GALNT15: variants seen among roughly 807,000 people sequenced by gnomAD.
GALNT15 encodes UDP-GalNAc transferase T15.
A neutral mutation model predicts 66.8 loss-of-function variants in GALNT15; 67 were observed. That is an observed-to-expected ratio of 1.00 (90% CI 0.82 to 1.23). The LOEUF (loss-of-function observed/expected upper bound fraction) is 1.23. Ranked by LOEUF, GALNT15 falls within the 50% of genes most tolerant of loss-of-function variation. The pLI is 0.00. For synonymous variants in GALNT15, 313 were observed against 311.5 expected, an observed-to-expected ratio of 1.00 and a Z score of -0.05; for missense variants, 827 against 804.3, an observed-to-expected ratio of 1.03 and a Z score of -0.34.
Position 16,208,603 on chromosome 3 carries a change from G to A in GALNT15, c.1012G>A (p.Asp338Asn), listed in dbSNP as rs772185988. 1.2e-6 allele frequency: 2 copies of A among 1,614,120 alleles called. No individual in the cohort carries two copies. Among genetic ancestry groups the A allele is most frequent in the African/African-American group, 1.3e-5 (1 of 75,028 alleles). ...GCGTGGGGTGTTGGACTGGAAGCTG[G>A]ATTTCCACTGGGAACCTTTGCCAGA... is the stretch of plus-strand genomic sequence containing the variant. Reference protein sequence around the residue: ...LQRGVLDWKLDFHWEPLPEHV... With the variant: ...LQRGVLDWKLNFHWEPLPEHV... The change falls in exon 4 of 10, where the codon GAT becomes AAT. Residue 338 changes from aspartate to asparagine, a missense_variant. Coordinates refer to ENST00000339732, the MANE Select transcript of GALNT15 (RefSeq NM_054110.5).
chr3:16,237,447 C>T, the GALNT15 span, among the ~76,000 whole-genome samples: 11 of 152,192 alleles, frequency 7.2e-5, no homozygotes, highest in Non-Finnish European at 1.5e-5. The surrounding 1 kb of genome is among the most constrained non-coding windows in gnomAD (Gnocchi z 4.2). Context: ...GGCACCTCAC[C>T]CTCCTCACAC....
chr3:16,232,293 T>C (rs9831731), downstream of GALNT15, among the ~76,000 whole-genome samples: 4,159 of 151,506 alleles, frequency 0.027, 177 homozygotes, highest in African/African-American at 0.094. Flanking sequence ...AGGTTGGGCA[T>C]GTTGGCTCAC....
In GALNT15 at chr3:16,175,897, G is replaced by A. The variant is rs373269091; in HGVS notation, c.539+207G>A. On this transcript the variant is annotated intron_variant, in intron 1 of 9. Transcript: ENST00000339732. This position sits in a 1 kb window ranked among gnomAD's most constrained non-coding sequence, Gnocchi z 5.6. ...GATTCTCAGACCCCATCCCAGACCT[G>A]CCAAACAAGAAACTCTGGGTGGGGT... is the stretch of plus-strand genomic sequence containing the variant. Among the ~76,000 whole-genome samples the A allele has an allele frequency of 6.6e-6, 1 of 152,230 alleles. No individual in the cohort carries two copies. Among genetic ancestry groups the A allele is most frequent in the Non-Finnish European group, 1.5e-5 (1 of 68,038 alleles).
Position 16,187,323 on chromosome 3 carries a change from G to T in GALNT15, c.540-8437G>T, listed in dbSNP as rs1271379243. Reference sequence around the variant, plus strand: ...TTCTATGTTATGGTTCTATAATTTGGACCGGACTCAGCCAGGCAGTTCTTC... The same window carrying T: ...TTCTATGTTATGGTTCTATAATTTGTACCGGACTCAGCCAGGCAGTTCTTC... On this transcript the variant is annotated intron_variant, in intron 1 of 9. Transcript: ENST00000339732. This position sits in a 1 kb window ranked among gnomAD's most constrained non-coding sequence, Gnocchi z 5.1. Among the ~76,000 whole-genome samples, 2 of 152,150 alleles carry T rather than the reference G, an allele frequency of 1.3e-5. No individual in the cohort carries two copies. The highest frequency in any genetic ancestry group is 4.8e-5 in the African/African-American group (2 of 41,422).
In GALNT15 at chr3:16,195,654, T is replaced by C. The variant is rs1451192826; in HGVS notation, c.540-106T>C. Reference sequence around the variant, plus strand: ...TTTAAGAGATCCCATAGGACAGCCATATAATGGGGGCAGCTCCAGCCAGAG... The same window carrying C: ...TTTAAGAGATCCCATAGGACAGCCACATAATGGGGGCAGCTCCAGCCAGAG... On this transcript the variant is annotated intron_variant, in intron 1 of 9. Coordinates refer to ENST00000339732, the MANE Select transcript of GALNT15 (RefSeq NM_054110.5). This position sits in a 1 kb window ranked among gnomAD's most constrained non-coding sequence, Gnocchi z 4.6. 16 of 961,338 alleles carry C rather than the reference T, an allele frequency of 1.7e-5. No homozygotes were observed. Among genetic ancestry groups the C allele is most frequent in the Non-Finnish European group, 3.1e-6 (2 of 648,368 alleles). 59.6% of individuals were successfully genotyped at this position (961,338 alleles called of 1,614,324 possible). A position where few individuals can be genotyped will look rare whatever the true frequency, so the allele number is the denominator to read the frequency against.
chr3:16,210,400 A>G (rs2063800382), intron 4 of GALNT15, among the ~76,000 whole-genome samples: 1 of 152,240 alleles, frequency 6.6e-6, no homozygotes, highest in Non-Finnish European at 1.5e-5. Flanking sequence ...TTCTTTGGTA[A>G]TTAAGAAAAA....
intron 1 of GALNT15, among the ~76,000 whole-genome samples, chr3:16,177,207 C>T (rs1250950398): frequency 6.6e-6 from 1 of 152,170 alleles, no homozygotes; most frequent in Non-Finnish European, 1.5e-5. Context: ...GAAGTGATTG[C>T]TGAATGAACA....
At position 16,204,931 on chromosome 3, in the gene GALNT15, G is replaced by A. The variant is rs1042788557; in HGVS notation, c.912-3572G>A. Among the ~76,000 whole-genome samples, 1 of 152,180 alleles carries A rather than the reference G, an allele frequency of 6.6e-6. No individual in the cohort carries two copies. Among genetic ancestry groups the A allele is most frequent in the African/African-American group, 2.4e-5 (1 of 41,440 alleles). ...TAAGCATGTGAGAGTCTGAGTGTGG[G>A]GGGGAGCGAGCATGTGCGTGCGTGT... is the stretch of plus-strand genomic sequence containing the variant. On this transcript the variant is annotated intron_variant, in intron 3 of 9. Coordinates refer to ENST00000339732, the MANE Select transcript of GALNT15 (RefSeq NM_054110.5). The surrounding 1 kb of genome is among the most constrained non-coding windows in gnomAD (Gnocchi z 4.5).
In GALNT15 at chr3:16,219,769, G is replaced by A; in HGVS notation, c.1525-141G>A. The A allele has an allele frequency of 1.1e-6, 1 of 888,902 alleles. No homozygotes were observed. Among genetic ancestry groups the A allele is most frequent in the Non-Finnish European group, 1.8e-6 (1 of 543,998 alleles). 55.1% of individuals were successfully genotyped at this position (888,902 alleles called of 1,614,324 possible). On this transcript the variant is annotated intron_variant, in intron 7 of 9. Coordinates refer to ENST00000339732, the MANE Select transcript of GALNT15 (RefSeq NM_054110.5). This position sits in a 1 kb window ranked among gnomAD's most constrained non-coding sequence, Gnocchi z 4.3. ...CTGTCCCTTAGGGTCAGTGGCTTCA[G>A]CTTTACCACACCTGTTGTTGTGGCC...
At chr3:16,202,652 C>G (rs546103122) in intron 3 of GALNT15, among the ~76,000 whole-genome samples, 91 of 152,218 alleles carry the variant, frequency 6.0e-4, no homozygotes, top group African/African-American at 2.1e-3. Context: ...AGAAAATGCA[C>G]AAGCCCTCCA....
chr3:16,242,624 A>C, the GALNT15 span, among the ~76,000 whole-genome samples: 2 of 152,010 alleles, frequency 1.3e-5, no homozygotes, highest in African/African-American at 4.8e-5. This position sits in a 1 kb window ranked among gnomAD's most constrained non-coding sequence, Gnocchi z 5.6. Flanking sequence ...ATAAAAGTAA[A>C]ATAAAATACC....
rs2063501228 is a variant in GALNT15 at position 16,184,717 on chromosome 3, G to C, written c.539+9027G>C. ...CCGGTTATCCCAAGAAGCACGGGTA[G>C]GGGCTCAGGAAAGCGGAGCAGAGAT... is the stretch of plus-strand genomic sequence containing the variant. On this transcript the variant is annotated intron_variant, in intron 1 of 9. Transcript: ENST00000339732. This position sits in a 1 kb window ranked among gnomAD's most constrained non-coding sequence, Gnocchi z 5.0. Among the ~76,000 whole-genome samples the C allele has an allele frequency of 6.6e-6, 1 of 152,244 alleles. No individual in the cohort carries two copies. The highest frequency in any genetic ancestry group is 2.1e-4 in the South Asian group (1 of 4,838).
chr3:16,203,293 T>C lies in GALNT15; in HGVS notation c.911+2470T>C, dbSNP rs115120861. Among the ~76,000 whole-genome samples, 2,702 of 152,158 alleles carry C rather than the reference T, an allele frequency of 0.018. 47 individuals carry two copies. The highest frequency in any genetic ancestry group is 0.06 in the South Asian group (287 of 4,806). The stretch of plus-strand genomic sequence containing the variant: ...GCTGCTGTGAGTCCCTCGTATCTGC[T>C]TCTCACATCGGGGCCCCATTTCCCA... On this transcript the variant is annotated intron_variant, in intron 3 of 9. Transcript: ENST00000339732. The surrounding 1 kb of genome is among the most constrained non-coding windows in gnomAD (Gnocchi z 6.2).
rs2124841970 is a variant in GALNT15, at chr3:16,183,568, G to A, written c.539+7878G>A. On this transcript the variant is annotated intron_variant, in intron 1 of 9. Transcript: ENST00000339732. This position sits in a 1 kb window ranked among gnomAD's most constrained non-coding sequence, Gnocchi z 5.2. ...GCTATTGAACAACTATCAGAAGTAA[G>A]AAGGTAAGCAATACCCAGCCCCAAC... Among the ~76,000 whole-genome samples, 1 of 152,340 alleles carries A rather than the reference G, an allele frequency of 6.6e-6. No individual in the cohort carries two copies. Among genetic ancestry groups the A allele is most frequent in the African/African-American group, 2.4e-5 (1 of 41,584 alleles).
intron 8 of GALNT15, among the ~76,000 whole-genome samples, chr3:16,221,384 T>C (rs1230862281): frequency 4.0e-5 from 6 of 151,848 alleles, no homozygotes; most frequent in Non-Finnish European, 5.9e-5. Context: ...AAACACCCTT[T>C]TTCATGAATA....
intron 9 of GALNT15, among the ~76,000 whole-genome samples, chr3:16,226,343 T>C (rs1238803970): frequency 6.6e-6 from 1 of 152,186 alleles, no homozygotes; most frequent in African/African-American, 2.4e-5. Context: ...TTATGATCTC[T>C]ATACTAGTCT....
rs1190185623 is a variant in GALNT15, at chr3:16,203,812, C to CTGGCAACGCTCTATGAGCTG, written c.911+2995_911+3014dup. Among the ~76,000 whole-genome samples the CTGGCAACGCTCTATGAGCTG allele has an allele frequency of 6.6e-6, 1 of 152,114 alleles. No homozygotes were observed. The highest frequency in any genetic ancestry group is 2.4e-5 in the African/African-American group (1 of 41,408). ...CTGAGTCCCACTCTCTCCACTCCACCTGGCAACGCTCTATGAGCTGTGGCA... is the reference window on the plus strand; with the variant it reads ...CTGAGTCCCACTCTCTCCACTCCACCTGGCAACGCTCTATGAGCTGTGGCAACGCTCTATGAGCTGTGGCA... On this transcript the variant is annotated intron_variant, in intron 3 of 9. Coordinates refer to ENST00000339732, the MANE Select transcript of GALNT15 (RefSeq NM_054110.5). This position sits in a 1 kb window ranked among gnomAD's most constrained non-coding sequence, Gnocchi z 6.2.
chr3:16,217,023 T>TG (rs1014935944), intron 6 of GALNT15, among the ~76,000 whole-genome samples: 13 of 152,204 alleles, frequency 8.5e-5, no homozygotes, highest in South Asian at 8.3e-4. Context: ...CCCTGGAGGT[T>TG]GGGGGGGTCG....
chr3:16,195,966 T>C lies in GALNT15; in HGVS notation c.706+40T>C. The C allele has an allele frequency of 6.2e-7, 1 of 1,603,144 alleles. No individual in the cohort carries two copies. Among genetic ancestry groups the C allele is most frequent in the Non-Finnish European group, 8.5e-7 (1 of 1,171,862 alleles). Reference sequence around the variant, plus strand: ...CCTCCAGGCTCGTCTGGGTGAGCCTTACCCCCTGGCGGGTGGAGTTCTCAA... The same window carrying C: ...CCTCCAGGCTCGTCTGGGTGAGCCTCACCCCCTGGCGGGTGGAGTTCTCAA... On this transcript the variant is annotated intron_variant, in intron 2 of 9. Transcript: ENST00000339732. This position sits in a 1 kb window ranked among gnomAD's most constrained non-coding sequence, Gnocchi z 4.6.
Sources: allele counts gnomAD v4.1 joint callset (sites outside exome capture counted in the v4.1 genomes callset), GRCh38; gene constraint gnomAD v4.1.1; non-coding constraint Gnocchi (gnomAD v3.1); transcripts MANE v1.5; gene names NCBI Gene and HGNC (gene_info 2026-07-23, HGNC 2026-07-21).